Variants in GTPBP1 observed in about 807,000 individuals in gnomAD.
GTPBP1 encodes the protein GTP binding protein 1.
In GTPBP1, 23 loss-of-function variants were observed where a neutral mutation model predicts 62.0. The observed-to-expected ratio is 0.37, with a 90% CI of 0.27 to 0.53. The LOEUF is 0.53. Ranked by LOEUF, GTPBP1 falls within the 20% of genes least tolerant of loss-of-function variation. The pLI, the probability that GTPBP1 is intolerant of heterozygous loss-of-function variation, is 0.89. For missense variants in GTPBP1, 640 were observed against 917.3 expected (o/e 0.70, Z 3.90); for synonymous variants, 344 against 364.4 (o/e 0.94, Z 0.64).
chr22:38,728,363 G>A, intron 10 of GTPBP1: 1 of 571,260 alleles, frequency 1.8e-6, no homozygotes, highest in Non-Finnish European at 3.1e-6. Context: ...CCATGGAGAG[G>A]AGAAGGTAGG....
chr22:38,740,317 C>A, downstream of GTPBP1: 2 of 1,603,706 alleles, frequency 1.2e-6, no homozygotes, highest in Non-Finnish European at 8.5e-7. The surrounding 1 kb of genome is among the most constrained non-coding windows in gnomAD (Gnocchi z 4.8). Context: ...ACTTCTTCCG[C>A]CACCGAGCTC....
At chr22:38,720,489 C>CA (rs1305220754) in intron 4 of GTPBP1, among the ~76,000 whole-genome samples, 1 of 152,122 alleles carries the variant, frequency 6.6e-6, no homozygotes, top group Non-Finnish European at 1.5e-5. Context: ...CTTGGCCTCC[C>CA]AAAGTGCTGG....
At position 38,729,679 on chromosome 22, in the gene GTPBP1, C is replaced by G; in HGVS notation, c.1917+17C>G. ...CAGCCTCAGGTGAGCACGGGCCCCT[C>G]GCAGCTTCGGCATGGTGGTGGGGGC... On this transcript the variant is annotated intron_variant, in intron 11 of 11. Coordinates refer to ENST00000216044, the MANE Select transcript of GTPBP1 (RefSeq NM_004286.5). 3.5e-6 allele frequency: 5 copies of G among 1,449,122 alleles called. No homozygotes were observed. The highest frequency in any genetic ancestry group is 4.6e-6 in the Non-Finnish European group (5 of 1,098,408). The allele number at this position is 1,449,122 out of a possible 1,614,324, so 89.8% of individuals were successfully genotyped here.
chr22:38,730,744 A>G lies in GTPBP1; in HGVS notation c.*40A>G. On this transcript the variant is annotated 3_prime_UTR_variant, in exon 12 of 12. Coordinates refer to ENST00000216044, the MANE Select transcript of GTPBP1 (RefSeq NM_004286.5). This position sits in a 1 kb window ranked among gnomAD's most constrained non-coding sequence, Gnocchi z 5.6. ...CACCCTCACCACCCAAGGGGTCATC[A>G]TCTCTGGCCACCACTCCACCAGATG... The G allele has an allele frequency of 9.0e-7, 1 of 1,113,422 alleles. No homozygotes were observed. Among genetic ancestry groups the G allele is most frequent in the South Asian group, 1.4e-5 (1 of 69,212 alleles). The allele number at this position is 1,113,422 out of a possible 1,614,324, so 69.0% of individuals were successfully genotyped here.
intron 5 of GTPBP1, chr22:38,722,876 G>GC: frequency 2.1e-6 from 3 of 1,410,332 alleles, no homozygotes; most frequent in Non-Finnish European, 3.0e-6. Flanking sequence ...CCAAGTGGAG[G>GC]GTTTCTTCCA....
In GTPBP1 at chr22:38,722,940, G is replaced by T. The variant is rs997946137; in HGVS notation, c.958+1075G>T. On this transcript the variant is annotated intron_variant, in intron 5 of 11. Coordinates refer to ENST00000216044, the MANE Select transcript of GTPBP1 (RefSeq NM_004286.5). ...GCTCAAGTGCTTGATGACTCCATTG[G>T]GGTCAGTTATGAAGAGACCTCTTAG... The T allele has an allele frequency of 4.1e-6, 4 of 974,322 alleles. No homozygotes were observed. In the African/African-American group the frequency reaches 6.4e-5, roughly 16 times the overall value. The allele number at this position is 974,322 out of a possible 1,614,324, so 60.4% of individuals were successfully genotyped here.
downstream of GTPBP1, among the ~76,000 whole-genome samples, chr22:38,741,789 C>A (rs2092859939): frequency 6.6e-6 from 1 of 152,190 alleles, no homozygotes; most frequent in Non-Finnish European, 1.5e-5. Context: ...GCACAGCTCA[C>A]TATGGGGGTG....
intron 6 of GTPBP1, among the ~76,000 whole-genome samples, chr22:38,724,910 T>C (rs985662958): frequency 6.6e-6 from 1 of 152,246 alleles, no homozygotes; most frequent in African/African-American, 2.4e-5. Context: ...AAATATTTAT[T>C]GGATGTTTGT....
chr22:38,716,928 T>C lies in GTPBP1; in HGVS notation c.762T>C (p.Ala254=). The stretch of plus-strand genomic sequence containing the variant: ...AAGTCATTACCTTCATCGACTTGGC[T>C]GGTCATGAGAAGTACCTGAAAACCA... ...STKVITFIDL[A]GHEKYLKTTV... Residue 254 remains alanine, a synonymous_variant, in exon 4 of 12, where the codon GCT becomes GCC. Coordinates refer to ENST00000216044, the MANE Select transcript of GTPBP1 (RefSeq NM_004286.5). The surrounding 1 kb of genome is among the most constrained non-coding windows in gnomAD (Gnocchi z 5.2). The C allele has an allele frequency of 6.2e-7, 1 of 1,614,148 alleles. No individual in the cohort carries two copies. The highest frequency in any genetic ancestry group is 8.5e-7 in the Non-Finnish European group (1 of 1,179,962).
intron 1 of GTPBP1, among the ~76,000 whole-genome samples, chr22:38,707,894 G>A (rs2092614756): frequency 1.3e-5 from 2 of 152,182 alleles, no homozygotes; most frequent in Non-Finnish European, 2.9e-5. Flanking sequence ...AGAAGCGAAA[G>A]GTTCATGTCC....
At chr22:38,721,660 C>A in intron 4 of GTPBP1, 82 bp from the exon 5 acceptor site, 1 of 1,373,818 alleles carries the variant, frequency 7.3e-7, no homozygotes, top group South Asian at 1.3e-5. Context: ...CTTTCATCCA[C>A]ATCTGCTTTT....
At position 38,706,061 on chromosome 22, in the gene GTPBP1, G is replaced by A. The variant is rs943490572; in HGVS notation, c.106G>A (p.Ala36Thr). The A allele has an allele frequency of 2.9e-6, 4 of 1,364,424 alleles. No individual in the cohort carries two copies. The African/African-American group carries it at 4.6e-5, about 16-fold the overall frequency. 84.5% of individuals were successfully genotyped at this position (1,364,424 alleles called of 1,614,324 possible). ...GGCGGCCAGGGCCGCGGCGGCCGCC[G>A]CCCGACTCCACGGCGGCTTTGACTC... ...PGAARAAAAA[A>T]RLHGGFDSDC... Residue 36 changes from alanine (A) to threonine (T), a missense_variant, in exon 1 of 12, where the codon GCC (alanine) becomes ACC (threonine). Coordinates refer to ENST00000216044, the MANE Select transcript of GTPBP1 (RefSeq NM_004286.5).
At chr22:38,706,467 T>C (rs1341043200) in intron 1 of GTPBP1, 1 of 219,992 alleles carries the variant, frequency 4.5e-6, no homozygotes, top group Admixed American at 5.8e-5. Context: ...GCTCCGCGCG[T>C]TCCCTGTCCC....
chr22:38,720,010 G>A (rs940823829), intron 4 of GTPBP1, among the ~76,000 whole-genome samples: 4 of 145,634 alleles, frequency 2.7e-5, no homozygotes, highest in Non-Finnish European at 6.0e-5. Flanking sequence ...CTCACTGCAA[G>A]CTCTGCCTCC....
chr22:38,721,061 C>T (rs2092697758), intron 4 of GTPBP1, among the ~76,000 whole-genome samples: 1 of 152,172 alleles, frequency 6.6e-6, no homozygotes, highest in South Asian at 2.1e-4. Context: ...TATCCTGCCA[C>T]ACCCAGTCAA....
At chr22:38,739,398 A>G, downstream of GTPBP1, 1 of 1,613,136 alleles carries the variant, frequency 6.2e-7, no homozygotes, top group Non-Finnish European at 8.5e-7. This position sits in a 1 kb window ranked among gnomAD's most constrained non-coding sequence, Gnocchi z 6.7. Context: ...GTAGCGCTGC[A>G]GGGCCTGCTT....
rs1467308977 is a variant in GTPBP1 at position 38,721,843 on chromosome 22, G to A, written c.936G>A (p.Met312Ile). 6.2e-7 allele frequency: 1 copy of A among 1,606,646 alleles called. No homozygotes were observed. Among genetic ancestry groups the A allele is most frequent in the Non-Finnish European group, 8.5e-7 (1 of 1,174,466 alleles). Residue 312 changes from methionine to isoleucine, a missense_variant, in exon 5 of 12, where the codon ATG becomes ATA. By Grantham distance (10) the Met-to-Ile change is conservative. Around this residue, in one of 4 missense-constraint regions of GTPBP1, gnomAD observed 88 missense variants for 217.0 expected, o/e 0.41. Coordinates refer to ENST00000216044, the MANE Select transcript of GTPBP1 (RefSeq NM_004286.5). ...TTGTGGTAGTCACCAAGATTGACAT[G>A]TGTCCTGCCAACATCCTGCAAGGTA... is the stretch of plus-strand genomic sequence containing the variant. ...PVFVVVTKID[M>I]CPANILQETL...
chr22:38,735,997 C>T, downstream of GTPBP1: 1 of 381,228 alleles, frequency 2.6e-6, no homozygotes, highest in Non-Finnish European at 5.1e-6. Context: ...TCCCAGTCCC[C>T]CATGATATGC....
chr22:38,709,008 C>A, intron 2 of GTPBP1, 52 bp downstream of exon 2: 1 of 1,120,204 alleles, frequency 8.9e-7, no homozygotes, highest in Non-Finnish European at 1.4e-6. Context: ...GGGCCGGGTG[C>A]GGTGGCCCTG....
Sources: allele counts gnomAD v4.1 joint callset (sites outside exome capture counted in the v4.1 genomes callset), GRCh38; gene constraint gnomAD v4.1.1; regional missense constraint gnomAD v4.1.1; non-coding constraint Gnocchi (gnomAD v3.1); transcripts MANE v1.5; gene names NCBI Gene and HGNC (gene_info 2026-07-23, HGNC 2026-07-21).